Variants in MYH7 observed in about 807,000 individuals in gnomAD.
MYH7 encodes the protein myosin heavy chain 7.
In MYH7, 129 loss-of-function variants were observed where a neutral mutation model predicts 225.4. The observed-to-expected ratio is 0.57, with a 90% confidence interval of 0.50 to 0.66. The LOEUF is 0.66. Ranked by LOEUF, MYH7 falls within the 30% of genes least tolerant of loss-of-function variation. The pLI, the probability that MYH7 is intolerant of heterozygous loss-of-function variation, is 0.00. For missense variants in MYH7, 1,649 were observed against 2,517.0 expected, an observed-to-expected ratio of 0.66 and a Z score of 7.38; for synonymous variants, 971 against 1,007.6, an observed-to-expected ratio of 0.96 and a Z score of 0.69.
chr14:23,412,845 G>A lies in MYH7; in HGVS notation c.*9C>T. ...CCTCCAGGGCTGAGCAGATCAAGAT[G>A]TGGCAAAGCTACTCCTCATTCAAGC... On this transcript the variant is annotated 3_prime_UTR_variant, in exon 40 of 40. Transcript: ENST00000355349. The A allele has an allele frequency of 2.5e-6, 4 of 1,614,054 alleles. No individual in the cohort carries two copies. The highest frequency in any genetic ancestry group is 3.4e-6 in the Non-Finnish European group (4 of 1,179,946).
rs3729828 is a variant in MYH7 at position 23,416,788 on chromosome 14, G to A, written c.4644+80C>T. The A allele has an allele frequency of 0.36, 571,020 of 1,606,016 alleles. 110,069 individuals carry two copies. Among genetic ancestry groups the A allele is most frequent in the African/African-American group, 0.68 (50,938 of 74,860 alleles). ...CTGGGGATGGGACAGTGAACAAAAC[G>A]GACAAAGCGGGGGATGAGAACAGGG... On this transcript the variant is annotated intron_variant, in intron 33 of 39. Transcript: ENST00000355349.
chr14:23,421,425 AT>A (rs1429235751), intron 25 of MYH7, among the ~76,000 whole-genome samples: 6 of 152,216 alleles, frequency 3.9e-5, no homozygotes, highest in Non-Finnish European at 8.8e-5. Flanking sequence ...TCTGAAACTT[AT>A]TTTCCTCTTT....
chr14:23,419,718 A>C, intron 27 of MYH7, 109 bp from the exon 28 acceptor site: 2 of 1,611,536 alleles, frequency 1.2e-6, no homozygotes, highest in South Asian at 2.2e-5. Flanking sequence ...GAAAAGAAGG[A>C]GGGGATCTGA....
intron 1 of MYH7, among the ~76,000 whole-genome samples, chr14:23,434,718 T>A (rs1489825173): frequency 6.6e-6 from 1 of 152,224 alleles, no homozygotes; most frequent in African/African-American, 2.4e-5. Context: ...AAGACTTGAA[T>A]GCAAGTCTGA....
At chr14:23,424,633 G>C (rs1426189907) in intron 22 of MYH7, 136 bp downstream of exon 22, 2 of 1,435,730 alleles carry the variant, frequency 1.4e-6, no homozygotes, top group African/African-American at 2.8e-5. Context: ...CCTCTTTGGA[G>C]GTCTTTAGAA....
rs1445138684 is a variant in MYH7 at position 23,433,929 on chromosome 14, A to G, written c.-8-189T>C. ...AGCAGCCTAGCAAACCTGCCAGGGT[A>G]AAAGGAACAACTAACTATTGTTCAA... On this transcript the variant is annotated intron_variant, in intron 2 of 39. Coordinates refer to ENST00000355349, the MANE Select transcript of MYH7 (RefSeq NM_000257.4). This position sits in a 1 kb window ranked among gnomAD's most constrained non-coding sequence, Gnocchi z 4.1. Among the ~76,000 whole-genome samples the G allele has an allele frequency of 1.3e-5, 2 of 152,342 alleles. No homozygotes were observed. Among genetic ancestry groups the G allele is most frequent in the South Asian group, 2.1e-4 (1 of 4,832 alleles).
chr14:23,412,826 G>A lies in MYH7; in HGVS notation c.*28C>T. 1 of 1,613,832 alleles carries A rather than the reference G, an allele frequency of 6.2e-7. No individual in the cohort carries two copies. Among genetic ancestry groups the A allele is most frequent in the Non-Finnish European group, 8.5e-7 (1 of 1,179,796 alleles). Reference sequence around the variant, plus strand: ...GCATGGGGCTTTGCTGGCACCTCCAGGGCTGAGCAGATCAAGATGTGGCAA... The same window carrying A: ...GCATGGGGCTTTGCTGGCACCTCCAAGGCTGAGCAGATCAAGATGTGGCAA... On this transcript the variant is annotated 3_prime_UTR_variant, in exon 40 of 40. Transcript: ENST00000355349.
chr14:23,430,870 T>G, intron 10 of MYH7, 31 bp downstream of exon 10: 1 of 1,528,034 alleles, frequency 6.5e-7, no homozygotes, highest in Admixed American at 1.7e-5. Flanking sequence ...GCCATGGAGA[T>G]AGTTGGTCTC....
At chr14:23,414,495 A>C (rs1443791930) in intron 37 of MYH7, among the ~76,000 whole-genome samples, 4 of 152,164 alleles carry the variant, frequency 2.6e-5, no homozygotes, top group Non-Finnish European at 5.9e-5. Context: ...GAAAACACTG[A>C]CTTAATCTAA....
chr14:23,431,596 A>T lies in MYH7; in HGVS notation c.721T>A (p.Ser241Thr). The T allele has an allele frequency of 6.2e-7, 1 of 1,614,216 alleles. No individual in the cohort carries two copies. Among genetic ancestry groups the T allele is most frequent in the Non-Finnish European group, 8.5e-7 (1 of 1,180,044 alleles). Residue 241 changes from serine to threonine, a missense_variant, in exon 8 of 40, where the codon TCC becomes ACC. By Grantham distance (58) the Ser-to-Thr change is moderately conservative. Around this residue, in one of 12 missense-constraint regions of MYH7, gnomAD observed 131 missense variants for 231.3 expected, o/e 0.57. Transcript: ENST00000355349. ...CAGGGACCACTCACGAAGCGGGAGG[A>T]GTTGTCGTTCCGGACGGTCTTGGCA... Reference protein sequence around the residue: ...GNAKTVRNDNSSRFGKFIRIH... With the variant: ...GNAKTVRNDNTSRFGKFIRIH...
Position 23,426,270 on chromosome 14 carries a change from C to A in MYH7, c.2045-189G>T, listed in dbSNP as rs28475411. On this transcript the variant is annotated intron_variant, in intron 18 of 39. Coordinates refer to ENST00000355349, the MANE Select transcript of MYH7 (RefSeq NM_000257.4). Reference sequence around the variant, plus strand: ...ACATTCCTTTTTTATATGATTCACACCTATTATCATAGGTGGTAGCCAGAA... The same window carrying A: ...ACATTCCTTTTTTATATGATTCACAACTATTATCATAGGTGGTAGCCAGAA... Among the ~76,000 whole-genome samples the A allele has an allele frequency of 0.13, 20,223 of 152,196 alleles. 2,031 individuals carry two copies. The highest frequency in any genetic ancestry group is 0.29 in the African/African-American group (12,031 of 41,498).
intron 33 of MYH7, 35 bp from the exon 34 acceptor site, chr14:23,416,347 C>G: frequency 6.2e-7 from 1 of 1,604,528 alleles, no homozygotes; most frequent in Non-Finnish European, 8.5e-7. Flanking sequence ...TGCAGGCAGA[C>G]AGTCAGGGCA....
chr14:23,428,453 T>C, intron 15 of MYH7, 47 bp downstream of exon 15: 4 of 1,613,456 alleles, frequency 2.5e-6, no homozygotes, highest in Middle Eastern at 1.7e-4. Context: ...TATGGTGTTC[T>C]TGTTGGGTGT....
Position 23,419,301 on chromosome 14 carries a change from G to A in MYH7, c.3854-6C>T. The A allele has an allele frequency of 6.2e-7, 1 of 1,614,116 alleles. No individual in the cohort carries two copies. The highest frequency in any genetic ancestry group is 8.5e-7 in the Non-Finnish European group (1 of 1,180,004). ...CAGCTGCCGGGACAGCTCACCTGGG[G>A]AAGCACCATTCTAGATCAGCACTCC... On this transcript the variant is annotated splice_polypyrimidine_tract_variant and splice_region_variant and intron_variant, in intron 28 of 39. Coordinates refer to ENST00000355349, the MANE Select transcript of MYH7 (RefSeq NM_000257.4).
In MYH7 at chr14:23,422,163, G is replaced by C. The variant is rs1245713173; in HGVS notation, c.3245+17C>G. On this transcript the variant is annotated intron_variant, in intron 25 of 39. Transcript: ENST00000355349. Reference sequence around the variant, plus strand: ...GGGCTGGGGAGGAGGAAGGGCAGCAGGGAGGGGACACAGTACTTTTTCAGC... The same window carrying C: ...GGGCTGGGGAGGAGGAAGGGCAGCACGGAGGGGACACAGTACTTTTTCAGC... 1 of 1,612,300 alleles carries C rather than the reference G, an allele frequency of 6.2e-7. No individual in the cohort carries two copies. The highest frequency in any genetic ancestry group is 8.5e-7 in the Non-Finnish European group (1 of 1,180,030).
chr14:23,415,596 CT>C lies in MYH7; in HGVS notation c.5157+32del. The C allele has an allele frequency of 6.2e-7, 1 of 1,613,696 alleles. No individual in the cohort carries two copies. Among genetic ancestry groups the C allele is most frequent in the South Asian group, 1.1e-5 (1 of 91,072 alleles). On this transcript the variant is annotated intron_variant, in intron 35 of 39. Coordinates refer to ENST00000355349, the MANE Select transcript of MYH7 (RefSeq NM_000257.4). This position sits in a 1 kb window ranked among gnomAD's most constrained non-coding sequence, Gnocchi z 6.3. ...CTTGCTTGCTGAGCCCCAGCCTGTGCTCCCTTCAGGAATGAGCAGGGGAGCT... is the reference window on the plus strand; with the variant it reads ...CTTGCTTGCTGAGCCCCAGCCTGTGCCCCTTCAGGAATGAGCAGGGGAGCT...
Position 23,435,208 on chromosome 14 carries a change from A to G in MYH7, c.-65+412T>C, listed in dbSNP as rs143327015. On this transcript the variant is annotated intron_variant, in intron 1 of 39. Transcript: ENST00000355349. ...CACAGAATCACATGAAGGCATACAC[A>G]CTTCCTAGAATCCTTCTCCACCATT... is the stretch of plus-strand genomic sequence containing the variant. Among the ~76,000 whole-genome samples the G allele has an allele frequency of 3.9e-5, 6 of 152,102 alleles. No individual in the cohort carries two copies. In the East Asian group the frequency reaches 9.7e-4, roughly 25 times the overall value.
chr14:23,415,821 A>G lies in MYH7; in HGVS notation c.4965T>C (p.Ile1655=), dbSNP rs886039010. 8.1e-6 allele frequency: 13 copies of G among 1,614,014 alleles called. No individual in the cohort carries two copies. The highest frequency in any genetic ancestry group is 1.3e-5 in the African/African-American group (1 of 74,894). ...SLQSLLKDTQ[I]QLDDAVRAND... ...TGGCACGGACTGCATCGTCCAGCTGAATCTGGGTGTCCTGAGGATCAGGAG... is the reference window on the plus strand; with the variant it reads ...TGGCACGGACTGCATCGTCCAGCTGGATCTGGGTGTCCTGAGGATCAGGAG... The change falls in exon 35 of 40, where the codon ATT becomes ATC. Residue 1655 remains isoleucine, a synonymous_variant. Transcript: ENST00000355349. The surrounding 1 kb of genome is among the most constrained non-coding windows in gnomAD (Gnocchi z 6.3).
Position 23,427,511 on chromosome 14 carries a change from G to A in MYH7, c.1888+74C>T, listed in dbSNP as rs922588392. On this transcript the variant is annotated intron_variant, in intron 16 of 39. Coordinates refer to ENST00000355349, the MANE Select transcript of MYH7 (RefSeq NM_000257.4). Reference sequence around the variant, plus strand: ...CAACCTGACATTGAAGTGGTGGGGTGTAGCAATTGACCTGGCTCAGAACCT... The same window carrying A: ...CAACCTGACATTGAAGTGGTGGGGTATAGCAATTGACCTGGCTCAGAACCT... 3.8e-6 allele frequency: 6 copies of A among 1,565,674 alleles called. No individual in the cohort carries two copies. The Admixed American group carries it at 9.0e-5, about 23-fold the overall frequency.
Sources: allele counts gnomAD v4.1 joint callset (sites outside exome capture counted in the v4.1 genomes callset), GRCh38; gene constraint gnomAD v4.1.1; regional missense constraint gnomAD v4.1.1; non-coding constraint Gnocchi (gnomAD v3.1); transcripts MANE v1.5; gene names NCBI Gene and HGNC (gene_info 2026-07-23, HGNC 2026-07-21).